The following ATP11A variants were observed in gnomAD, a reference collection of about 807,000 sequenced individuals.
The protein encoded by ATP11A is phospholipid-transporting ATPase IH.
ATP11A carries 81 observed loss-of-function variants against 154.4 expected under a neutral mutation model. The ratio of observed to expected loss-of-function variants is 0.52; its 90% CI spans 0.44 to 0.63. The LOEUF (loss-of-function observed/expected upper bound fraction) is 0.63. Ranked by LOEUF, ATP11A falls within the 30% of genes least tolerant of loss-of-function variation. ATP11A has a pLI of 0.00. For missense variants in ATP11A, 1,316 were observed against 1,474.3 expected, an observed-to-expected ratio of 0.89 and a Z score of 1.76; for synonymous variants, 623 against 585.9, an observed-to-expected ratio of 1.06 and a Z score of -0.91.
At position 112,885,411 on chromosome 13, in the gene ATP11A, A is replaced by G. The variant is rs988005790; in HGVS notation, c.*3545A>G. Reference sequence around the variant, plus strand: ...CCTGCACACGTGCACATTCATGTGTACACCACAAATGAGTTCCCAGACGTG... The same window carrying G: ...CCTGCACACGTGCACATTCATGTGTGCACCACAAATGAGTTCCCAGACGTG... On this transcript the variant is annotated 3_prime_UTR_variant, in exon 30 of 30. Coordinates refer to ENST00000375645, the MANE Select transcript of ATP11A (RefSeq NM_015205.3). 6 of 152,320 alleles carry G rather than the reference A, an allele frequency of 3.9e-5. No individual in the cohort carries two copies. The highest frequency in any genetic ancestry group is 9.6e-5 in the African/African-American group (4 of 41,552). The allele number at this position is 152,320 out of a possible 1,614,324, so 9.4% of individuals were successfully genotyped here.
chr13:112,847,067 C>T (rs2079630087), intron 17 of ATP11A, among the ~76,000 whole-genome samples: 1 of 152,196 alleles, frequency 6.6e-6, no homozygotes, highest in African/African-American at 2.4e-5. Flanking sequence ...CCCTTGACAC[C>T]CAGGTCTGCC....
rs114002057 is a variant in ATP11A at position 112,818,348 on chromosome 13, C to T, written c.571-956C>T. Among the ~76,000 whole-genome samples the T allele has an allele frequency of 5.0e-3, 755 of 151,746 alleles. 8 individuals carry two copies. Among genetic ancestry groups the T allele is most frequent in the African/African-American group, 0.015 (626 of 41,340 alleles). On this transcript the variant is annotated intron_variant, in intron 6 of 29. Coordinates refer to ENST00000375645, the MANE Select transcript of ATP11A (RefSeq NM_015205.3). ...CGGTGACCGTTGGTGCGCTTGGTGA[C>T]GGAACGGTGATCATTTGTGTGCTTG...
chr13:112,831,541 A>T lies in ATP11A; in HGVS notation c.1388A>T (p.Asn463Ile). The change falls in exon 13 of 30, where the codon AAC becomes ATC. Residue 463 changes from asparagine (N) to isoleucine (I), a missense_variant. Around this residue, in one of 5 missense-constraint regions of ATP11A, gnomAD observed 876 missense variants for 1,006.8 expected, o/e 0.87. Transcript: ENST00000375645. ...ATGATTGACTCGTCCCCCAGCGTCA[A>T]CGGGAGGGTAGGTGGCAGCCCCCAC... ...IDMIDSSPSV[N>I]GREREELFFR... 1 of 1,614,004 alleles carries T rather than the reference A, an allele frequency of 6.2e-7. No homozygotes were observed. The highest frequency in any genetic ancestry group is 1.1e-5 in the South Asian group (1 of 91,070).
chr13:112,864,611 GCGGCC>G (rs1385650627), intron 25 of ATP11A, among the ~76,000 whole-genome samples: 1,583 of 52,890 alleles, frequency 0.03, 726 homozygotes, highest in African/African-American at 0.28. Flanking sequence ...GTAATTCAGT[GCGGCC>G]CATACAGCTT....
At chr13:112,811,087 T>G (rs2078481587) in intron 5 of ATP11A, among the ~76,000 whole-genome samples, 1 of 151,596 alleles carries the variant, frequency 6.6e-6, no homozygotes, top group Non-Finnish European at 1.5e-5. Context: ...TTTTATTTGT[T>G]TATGTTTAAT....
chr13:112,785,772 G>A lies in ATP11A; in HGVS notation c.162+515G>A, dbSNP rs112544337. On this transcript the variant is annotated intron_variant, in intron 2 of 29. Transcript: ENST00000375645. This position sits in a 1 kb window ranked among gnomAD's most constrained non-coding sequence, Gnocchi z 4.8. ...ACAAGCAGAGTGCCGCGGTCTAAAC[G>A]AAGCGTGTTTCTCTCCATGGACTAG... Among the ~76,000 whole-genome samples the A allele has an allele frequency of 3.9e-3, 601 of 152,314 alleles. 11 individuals carry two copies. The highest frequency in any genetic ancestry group is 1.4e-3 in the Non-Finnish European group (97 of 68,034).
intron 16 of ATP11A, among the ~76,000 whole-genome samples, chr13:112,841,583 A>C (rs1177532027): frequency 6.6e-6 from 1 of 150,394 alleles, no homozygotes; most frequent in Non-Finnish European, 1.5e-5. Context: ...GCGCCCAGGC[A>C]CAAACTAGCC....
rs1384816731 is a variant in ATP11A at position 112,885,372 on chromosome 13, CAA to C, written c.*3508_*3509del. On this transcript the variant is annotated 3_prime_UTR_variant, in exon 30 of 30. Coordinates refer to ENST00000375645, the MANE Select transcript of ATP11A (RefSeq NM_015205.3). ...CACACACGCACACGTACATTCACTA[CAA>C]ACGTGCAGCCTCCTGCACACGTGCA... 1 of 152,320 alleles carries C rather than the reference CAA, an allele frequency of 6.6e-6. No individual in the cohort carries two copies. Among genetic ancestry groups the C allele is most frequent in the Non-Finnish European group, 1.5e-5 (1 of 68,104 alleles). The allele number at this position is 152,320 out of a possible 1,614,324, so 9.4% of individuals were successfully genotyped here. A position where few individuals can be genotyped will look rare whatever the true frequency, so the allele number is the denominator to read the frequency against.
rs182210886 is a variant in ATP11A at position 112,713,691 on chromosome 13, G to A, written c.39+23236G>A. Among the ~76,000 whole-genome samples, 573 of 152,214 alleles carry A rather than the reference G, an allele frequency of 3.8e-3. 3 individuals are homozygous for A. Among genetic ancestry groups the A allele is most frequent in the Non-Finnish European group, 7.2e-3 (491 of 68,008 alleles). On this transcript the variant is annotated intron_variant, in intron 1 of 29. Transcript: ENST00000375645. The stretch of plus-strand genomic sequence containing the variant: ...ACATTTCACTCGCGGTTTAATTTGC[G>A]GGAAGATCACATTCTGGCCGTTTAA...
At chr13:112,737,428 G>A (rs922938104) in intron 1 of ATP11A, among the ~76,000 whole-genome samples, 5 of 152,262 alleles carry the variant, frequency 3.3e-5, no homozygotes, top group Non-Finnish European at 5.9e-5. Flanking sequence ...CTCATGTGGC[G>A]TTAAATATTA....
intron 14 of ATP11A, among the ~76,000 whole-genome samples, chr13:112,833,449 C>T (rs1480591031): frequency 6.6e-6 from 1 of 152,212 alleles, no homozygotes; most frequent in Non-Finnish European, 1.5e-5. Flanking sequence ...GGTGCGGGAC[C>T]TCTCACCGCC....
chr13:112,824,008 T>C (rs2078866941), intron 9 of ATP11A, among the ~76,000 whole-genome samples: 1 of 152,226 alleles, frequency 6.6e-6, no homozygotes, highest in Admixed American at 6.5e-5. Flanking sequence ...TTTTGTATCA[T>C]TGTATTGTTA....
intron 29 of ATP11A, among the ~76,000 whole-genome samples, chr13:112,878,954 A>C (rs932617712): frequency 6.6e-6 from 1 of 152,230 alleles, no homozygotes; most frequent in South Asian, 2.1e-4. Context: ...TTTTCAAAAA[A>C]GCCTTCTATT....
At chr13:112,779,373 G>A (rs1425416983) in intron 1 of ATP11A, among the ~76,000 whole-genome samples, 1 of 142,866 alleles carries the variant, frequency 7.0e-6, no homozygotes, top group African/African-American at 2.8e-5. Flanking sequence ...GTGAGGAGTA[G>A]CCGCTGGAGT....
At chr13:112,771,576 T>C (rs143865588) in intron 1 of ATP11A, among the ~76,000 whole-genome samples, 86 of 152,332 alleles carry the variant, frequency 5.6e-4, no homozygotes, top group African/African-American at 2.0e-3. Context: ...TTTTACCCAC[T>C]ATGAGACCCT....
At chr13:112,765,033 G>C (rs1168103442) in intron 1 of ATP11A, among the ~76,000 whole-genome samples, 4 of 152,176 alleles carry the variant, frequency 2.6e-5, no homozygotes, top group Non-Finnish European at 1.5e-5. Context: ...TTTCTTGCAA[G>C]TCCTTTGAAC....
Position 112,807,160 on chromosome 13 carries a change from G to A in ATP11A, c.333+867G>A, listed in dbSNP as rs1430087892. ...AAAGGCTGGAGAGGGCATGGCGAGG[G>A]AGGCACCACGGGCCGCCGGCAGGAG... On this transcript the variant is annotated intron_variant, in intron 4 of 29. Coordinates refer to ENST00000375645, the MANE Select transcript of ATP11A (RefSeq NM_015205.3). The surrounding 1 kb of genome is among the most constrained non-coding windows in gnomAD (Gnocchi z 4.5). 1.3e-5 allele frequency among the ~76,000 whole-genome samples: 2 copies of A among 152,232 alleles called. No individual in the cohort carries two copies. Among genetic ancestry groups the A allele is most frequent in the Non-Finnish European group, 2.9e-5 (2 of 68,042 alleles).
chr13:112,882,984 C>G lies in ATP11A; in HGVS notation c.*1118C>G, dbSNP rs1459876114. 5.0e-6 allele frequency: 2 copies of G among 399,344 alleles called. No individual in the cohort carries two copies. The highest frequency in any genetic ancestry group is 4.1e-5 in the African/African-American group (2 of 48,620). The allele number at this position is 399,344 out of a possible 1,614,324, so 24.7% of individuals were successfully genotyped here. A position where few individuals can be genotyped will look rare whatever the true frequency, so the allele number is the denominator to read the frequency against. ...CCTCCCGCACTGCAGCTCCGCCCGC[C>G]GGGCTCTGCGTCCCCACGTCCCCTC... On this transcript the variant is annotated 3_prime_UTR_variant, in exon 30 of 30. Transcript: ENST00000375645. The surrounding 1 kb of genome is among the most constrained non-coding windows in gnomAD (Gnocchi z 5.1).
At chr13:112,755,080 A>T (rs1439653275) in intron 1 of ATP11A, among the ~76,000 whole-genome samples, 1 of 152,206 alleles carries the variant, frequency 6.6e-6, no homozygotes, top group Non-Finnish European at 1.5e-5. Context: ...CTGTGGGCCG[A>T]TGAAATGCGA....
Sources: gnomAD v4.1 joint callset for allele counts (sites outside exome capture counted in the v4.1 genomes callset) on GRCh38, gnomAD v4.1.1 for gene constraint, gnomAD v4.1.1 regional missense constraint, Gnocchi (gnomAD v3.1) non-coding constraint, MANE v1.5 for transcripts, NCBI Gene and HGNC (gene_info 2026-07-23, HGNC 2026-07-21) for gene names.